Variants in SLC12A7 observed in about 807,000 individuals in gnomAD.
The protein encoded by SLC12A7 is solute carrier family 12 member 7.
A neutral mutation model predicts 120.6 loss-of-function variants in SLC12A7; 100 were observed. The observed-to-expected ratio is 0.83, with a 90% CI of 0.71 to 0.98. The LOEUF is 0.98. Among genes scored for constraint, SLC12A7 ranks in the 50% least tolerant of loss-of-function variants. The probability of loss-of-function intolerance (pLI) is 0.00; values close to 1 mark genes in which losing one functional copy is unlikely to be tolerated. For synonymous variants in SLC12A7, 760 were observed against 678.0 expected (o/e 1.12, Z -1.88); for missense variants, 1,373 against 1,548.1 (o/e 0.89, Z 1.90).
the SLC12A7 span, among the ~76,000 whole-genome samples, chr5:1,118,480 G>A: frequency 1.3e-5 from 2 of 152,242 alleles, no homozygotes; most frequent in Non-Finnish European, 2.9e-5. Context: ...TGGCAGCAGC[G>A]CCAGGGATTC....
chr5:1,093,831 C>T (rs1366972960), intron 2 of SLC12A7, among the ~76,000 whole-genome samples, 176 bp from the exon 3 acceptor site: 2 of 152,208 alleles, frequency 1.3e-5, no homozygotes, highest in South Asian at 2.1e-4. Flanking sequence ...GAGGCCAGGG[C>T]TCCAGGCCTC....
Position 1,088,856 on chromosome 5 carries a change from A to G in SLC12A7, c.489+126T>C, listed in dbSNP as rs1740176755. 24 of 1,250,954 alleles carry G rather than the reference A, an allele frequency of 1.9e-5. No homozygotes were observed. The Admixed American group carries it at 2.3e-4, about 12-fold the overall frequency. 77.5% of individuals were successfully genotyped at this position (1,250,954 alleles called of 1,614,324 possible). On this transcript the variant is annotated intron_variant, in intron 4 of 23. Transcript: ENST00000264930. ...TACACGGGCGTCTGGGGAGGGCCCT[A>G]CTGTCCGGCTGCCACCGCCCGAAGG...
the SLC12A7 span, among the ~76,000 whole-genome samples, chr5:1,149,553 G>C: frequency 6.6e-6 from 1 of 151,760 alleles, no homozygotes; most frequent in African/African-American, 2.4e-5. Context: ...CTGCGGCCTG[G>C]GCAACAGAGA....
chr5:1,076,049 G>C (rs565821821), intron 14 of SLC12A7, 89 bp downstream of exon 14: 16 of 1,102,476 alleles, frequency 1.5e-5, no homozygotes, highest in Admixed American at 2.4e-5. Flanking sequence ...TGGGGCTCCT[G>C]ACGCCTGTGC....
intron 23 of SLC12A7, among the ~76,000 whole-genome samples, chr5:1,052,873 C>T (rs1735200548): frequency 6.6e-6 from 1 of 152,246 alleles, no homozygotes; most frequent in African/African-American, 2.4e-5. Context: ...CCAGGCGTCA[C>T]CCTGTCTGTG....
At chr5:1,082,298 A>T (rs1294779594) in intron 8 of SLC12A7, among the ~76,000 whole-genome samples, 1 of 143,200 alleles carries the variant, frequency 7.0e-6, no homozygotes. Context: ...GGTTCTGGAA[A>T]GCCTGGGCTT....
At chr5:1,126,246 C>G in the SLC12A7 span, among the ~76,000 whole-genome samples, 12 of 152,032 alleles carry the variant, frequency 7.9e-5, no homozygotes, top group African/African-American at 1.2e-4. Flanking sequence ...GGCCACCATG[C>G]CCGGCTAATT....
intron 1 of SLC12A7, among the ~76,000 whole-genome samples, chr5:1,096,492 C>G (rs564529451): frequency 2.0e-5 from 3 of 152,074 alleles, no homozygotes; most frequent in Non-Finnish European, 2.9e-5. Flanking sequence ...TGAGTCCCAT[C>G]CAGGGCCCTT....
the SLC12A7 span, among the ~76,000 whole-genome samples, chr5:1,147,444 C>T: frequency 2.0e-5 from 3 of 151,800 alleles, no homozygotes; most frequent in Admixed American, 6.6e-5. Context: ...GAGAGACCCG[C>T]CAGGAGTCCC....
At chr5:1,112,823 C>T (rs1743142751), upstream of SLC12A7, among the ~76,000 whole-genome samples, 1 of 149,922 alleles carries the variant, frequency 6.7e-6, no homozygotes, top group Admixed American at 6.6e-5. Context: ...TGGGGTACTC[C>T]GGAGCTTGGT....
intron 17 of SLC12A7, among the ~76,000 whole-genome samples, chr5:1,067,472 C>A (rs1009816154): frequency 6.6e-6 from 1 of 152,248 alleles, no homozygotes; most frequent in Non-Finnish European, 1.5e-5. Flanking sequence ...CCACGAGACC[C>A]CTCTGCAGGG....
At position 1,111,832 on chromosome 5, in the gene SLC12A7, C is replaced by T. The variant is rs1743034910; in HGVS notation, c.124+36G>A. 3 of 1,198,716 alleles carry T rather than the reference C, an allele frequency of 2.5e-6. No individual in the cohort carries two copies. In the South Asian group the frequency reaches 1.2e-4, roughly 50 times the overall value. The allele number at this position is 1,198,716 out of a possible 1,614,324, so 74.3% of individuals were successfully genotyped here. On this transcript the variant is annotated intron_variant, in intron 1 of 23. Transcript: ENST00000264930. ...CGGGCCCAGACCCGCGCTCGGGGCG[C>T]TCGGCCTTTGTCCGGCCAGGTGCGG...
chr5:1,149,414 TA>T, the SLC12A7 span, among the ~76,000 whole-genome samples: 36 of 151,784 alleles, frequency 2.4e-4, 1 homozygote, highest in East Asian at 5.7e-3. Context: ...GCATCTCTAC[TA>T]AAAATATAAA....
At chr5:1,107,524 C>T (rs958021163) in intron 1 of SLC12A7, among the ~76,000 whole-genome samples, 1 of 152,230 alleles carries the variant, frequency 6.6e-6, no homozygotes, top group African/African-American at 2.4e-5. Context: ...CTCTGCTTGA[C>T]TCCAGCCACC....
chr5:1,109,303 G>C (rs979064340), intron 1 of SLC12A7, among the ~76,000 whole-genome samples: 1 of 152,082 alleles, frequency 6.6e-6, no homozygotes. Flanking sequence ...GGAAGGGTGG[G>C]CTCCCCCAAG....
intron 21 of SLC12A7, among the ~76,000 whole-genome samples, chr5:1,059,963 G>A (rs768327001): frequency 1.2e-4 from 19 of 152,204 alleles, no homozygotes; most frequent in East Asian, 9.6e-4. Context: ...CTCAGAAGCC[G>A]CTGACCCTGT....
At chr5:1,075,307 C>T in intron 15 of SLC12A7, 64 bp downstream of exon 15, 2 of 1,569,264 alleles carry the variant, frequency 1.3e-6, no homozygotes, top group East Asian at 2.3e-5. Flanking sequence ...CTGCCCCAGG[C>T]ATAGCATGAG....
chr5:1,128,760 C>A, the SLC12A7 span, among the ~76,000 whole-genome samples: 2 of 152,214 alleles, frequency 1.3e-5, no homozygotes, highest in African/African-American at 2.4e-5. Flanking sequence ...CATGCGTGCA[C>A]ACCAATGGGA....
At chr5:1,131,567 C>G in the SLC12A7 span, among the ~76,000 whole-genome samples, 1 of 152,238 alleles carries the variant, frequency 6.6e-6, no homozygotes, top group Non-Finnish European at 1.5e-5. Context: ...CCAGGACCAC[C>G]TCTCCTGCCT....
Sources: gnomAD v4.1 joint callset for allele counts (sites outside exome capture counted in the v4.1 genomes callset) on GRCh38, gnomAD v4.1.1 for gene constraint, MANE v1.5 for transcripts, NCBI Gene and HGNC (gene_info 2026-07-23, HGNC 2026-07-21) for gene names.